Variants in SCNN1B observed in about 807,000 individuals in gnomAD.
SCNN1B encodes the protein epithelial sodium channel subunit beta.
In SCNN1B, 46 loss-of-function variants were observed where a neutral mutation model predicts 65.3. The observed-to-expected ratio is 0.70, with a 90% CI of 0.56 to 0.90. SCNN1B has a LOEUF of 0.90. Among genes scored for constraint, SCNN1B ranks in the 40% least tolerant of loss-of-function variants. SCNN1B has a pLI of 0.00. For missense variants in SCNN1B, 751 were observed against 830.5 expected (o/e 0.90, Z 1.18); for synonymous variants, 349 against 330.6 (o/e 1.06, Z -0.60).
chr16:23,352,525 C>G (rs1040692886), intron 2 of SCNN1B, among the ~76,000 whole-genome samples: 1 of 152,198 alleles, frequency 6.6e-6, no homozygotes, highest in African/African-American at 2.4e-5. Flanking sequence ...GCAGTCTCCC[C>G]TGTGCACTCT....
chr16:23,298,966 AG>A (rs1360615833), upstream of SCNN1B, among the ~76,000 whole-genome samples: 1 of 152,032 alleles, frequency 6.6e-6, no homozygotes, highest in Non-Finnish European at 1.5e-5. Context: ...ACTGTCCAAC[AG>A]GGCCCCAAAA....
At chr16:23,328,420 T>C (rs1414809417) in intron 1 of SCNN1B, among the ~76,000 whole-genome samples, 3 of 152,226 alleles carry the variant, frequency 2.0e-5, no homozygotes, top group Non-Finnish European at 2.9e-5. Context: ...CAGATCATGA[T>C]GGGCACGAAG....
chr16:23,378,514 G>C (rs372694355), intron 10 of SCNN1B, among the ~76,000 whole-genome samples, 192 bp from the exon 11 acceptor site: 3 of 152,264 alleles, frequency 2.0e-5, no homozygotes, highest in East Asian at 3.9e-4. Flanking sequence ...CTGGAGGCCC[G>C]AGTCCTTCCT....
At chr16:23,327,819 G>A (rs1436437421) in intron 1 of SCNN1B, among the ~76,000 whole-genome samples, 1 of 152,160 alleles carries the variant, frequency 6.6e-6, no homozygotes, top group African/African-American at 2.4e-5. Context: ...TCCTCCAAAG[G>A]CCAGATGTAC....
intron 1 of SCNN1B, among the ~76,000 whole-genome samples, chr16:23,311,845 G>A (rs1273128340): frequency 6.6e-6 from 1 of 152,190 alleles, no homozygotes; most frequent in Non-Finnish European, 1.5e-5. Context: ...GGAGAGGAAA[G>A]GAGATAGGGA....
intron 4 of SCNN1B, among the ~76,000 whole-genome samples, chr16:23,360,714 G>GC (rs775529644): frequency 1.3e-5 from 2 of 149,818 alleles, no homozygotes; most frequent in Non-Finnish European, 3.0e-5. Context: ...TCGTGTCTCA[G>GC]CCCCCCGAGT....
At chr16:23,314,333 C>T (rs55888679) in intron 1 of SCNN1B, among the ~76,000 whole-genome samples, 12,421 of 152,144 alleles carry the variant, frequency 0.082, 1,732 homozygotes, top group African/African-American at 0.28. Context: ...CGGCCAGGTA[C>T]AATTATTATC....
intron 1 of SCNN1B, among the ~76,000 whole-genome samples, chr16:23,308,895 G>T (rs1343284873): frequency 6.6e-6 from 1 of 152,158 alleles, no homozygotes; most frequent in Non-Finnish European, 1.5e-5. Flanking sequence ...AAATCACCAT[G>T]CCTGGCCACG....
chr16:23,376,345 CGTGTGTGTGTGT>C (rs10584896), intron 8 of SCNN1B, among the ~76,000 whole-genome samples: 7 of 148,554 alleles, frequency 4.7e-5, no homozygotes, highest in Non-Finnish European at 9.0e-5. Context: ...CTTTTGTGCA[CGTGTGTGTGTGT>C]GTGTGTGTGT....
chr16:23,342,759 C>A (rs1038378127), intron 1 of SCNN1B, among the ~76,000 whole-genome samples: 10 of 151,992 alleles, frequency 6.6e-5, no homozygotes, highest in Non-Finnish European at 2.9e-5. Context: ...GCCTGCAGGC[C>A]GCAGGATGGA....
chr16:23,356,086 G>T (rs912685749), intron 4 of SCNN1B, among the ~76,000 whole-genome samples: 1 of 152,124 alleles, frequency 6.6e-6, no homozygotes, highest in South Asian at 2.1e-4. Flanking sequence ...CAGCCTTTCT[G>T]CGTGCCCCGT....
At chr16:23,338,376 T>C (rs1961986569) in intron 1 of SCNN1B, among the ~76,000 whole-genome samples, 1 of 152,054 alleles carries the variant, frequency 6.6e-6, no homozygotes, top group Admixed American at 6.6e-5. Context: ...GAATAAAGAG[T>C]CAGTCATGTC....
intron 1 of SCNN1B, among the ~76,000 whole-genome samples, chr16:23,334,286 T>C (rs1961890077): frequency 6.6e-6 from 1 of 152,020 alleles, no homozygotes; most frequent in Admixed American, 6.6e-5. Context: ...GAACTCAGAG[T>C]TGACATCAGC....
chr16:23,349,494 A>T (rs1215266630), intron 2 of SCNN1B, among the ~76,000 whole-genome samples: 1 of 152,146 alleles, frequency 6.6e-6, no homozygotes, highest in Non-Finnish European at 1.5e-5. Flanking sequence ...ATTAAAAATA[A>T]AAACAAGAAG....
At chr16:23,283,496 T>G (rs1330877123) in intron 1 of SCNN1B, among the ~76,000 whole-genome samples, 1 of 152,196 alleles carries the variant, frequency 6.6e-6, no homozygotes, top group Non-Finnish European at 1.5e-5. Context: ...GTGTTGAATG[T>G]CTTGTGTAAT....
chr16:23,280,545 G>T (rs1259920137), intron 1 of SCNN1B, among the ~76,000 whole-genome samples: 1 of 152,170 alleles, frequency 6.6e-6, no homozygotes, highest in African/African-American at 2.4e-5. Flanking sequence ...ATGAGCTCTA[G>T]TTTTCCACGT....
intron 1 of SCNN1B, among the ~76,000 whole-genome samples, chr16:23,324,303 T>C (rs1372532959): frequency 6.6e-6 from 1 of 151,384 alleles, no homozygotes; most frequent in Non-Finnish European, 1.5e-5. Context: ...ACCTCTCACC[T>C]CAGCCTCCCA....
chr16:23,294,365 C>T (rs994884076), intron 2 of SCNN1B, among the ~76,000 whole-genome samples: 20 of 152,204 alleles, frequency 1.3e-4, no homozygotes, highest in Admixed American at 1.2e-3. Flanking sequence ...CCACTGCACT[C>T]CAGCCTGGGC....
chr16:23,355,297 A>T lies in SCNN1B; in HGVS notation c.586-2A>T, dbSNP rs1567308882. ...CACAAAAACCCCTCTTGGCCTCCAC[A>T]GTGTAGCCTCAACAGGACCCAGTGT... On this transcript the variant is annotated splice_acceptor_variant, in intron 3 of 12. Coordinates refer to ENST00000343070, the MANE Select transcript of SCNN1B (RefSeq NM_000336.3). LOFTEE classifies it high-confidence loss of function. 2 of 1,614,132 alleles carry T rather than the reference A, an allele frequency of 1.2e-6. No individual in the cohort carries two copies. Among genetic ancestry groups the T allele is most frequent in the Non-Finnish European group, 1.7e-6 (2 of 1,179,994 alleles).
Sources: allele counts gnomAD v4.1 joint callset (sites outside exome capture counted in the v4.1 genomes callset), GRCh38; gene constraint gnomAD v4.1.1; transcripts MANE v1.5; gene names NCBI Gene and HGNC (gene_info 2026-07-23, HGNC 2026-07-21).